The following LYRM7 variants were observed in gnomAD, a reference collection of about 807,000 sequenced individuals.
The protein encoded by LYRM7 is complex III assembly factor LYRM7.
Under a neutral mutation model 15.8 loss-of-function variants are expected in LYRM7, and 9 were observed. The observed-to-expected ratio is 0.57, with a 90% CI of 0.34 to 0.99. The LOEUF is 0.99. LYRM7 is among the 50% of genes least tolerant of loss of function. The probability of loss-of-function intolerance (pLI) is 0.02; values close to 1 mark genes in which losing one functional copy is unlikely to be tolerated. For synonymous variants in LYRM7, 39 were observed against 39.4 expected, an observed-to-expected ratio of 0.99 and a Z score of 0.04; for missense variants, 115 against 119.1, an observed-to-expected ratio of 0.97 and a Z score of 0.16.
chr5:131,181,348 G>T (rs1361970238), intron 2 of LYRM7, among the ~76,000 whole-genome samples: 6 of 35,202 alleles, frequency 1.7e-4, no homozygotes, highest in Admixed American at 1.2e-3. Flanking sequence ...TAACATATAT[G>T]TTATATATAT....
In LYRM7 at chr5:131,192,465, A is replaced by G. The variant is rs139513677; in HGVS notation, c.244+5356A>G. Among the ~76,000 whole-genome samples, 5 of 152,350 alleles carry G rather than the reference A, an allele frequency of 3.3e-5. No individual in the cohort carries two copies. In the East Asian group the frequency reaches 9.6e-4, roughly 29 times the overall value. On this transcript the variant is annotated intron_variant, in intron 4 of 4. Coordinates refer to ENST00000379380, the MANE Select transcript of LYRM7 (RefSeq NM_181705.4). Reference sequence around the variant, plus strand: ...AAAGAAATGATCAATAAGGTCATAGATATGCTAATTACCCTGATTTGATCA... The same window carrying G: ...AAAGAAATGATCAATAAGGTCATAGGTATGCTAATTACCCTGATTTGATCA...
In LYRM7 at chr5:131,182,237, A is replaced by G. The variant is rs200336982; in HGVS notation, c.100A>G (p.Ile34Val). 3.5e-6 allele frequency: 5 copies of G among 1,432,364 alleles called. No individual in the cohort carries two copies. The highest frequency in any genetic ancestry group is 3.8e-6 in the Non-Finnish European group (4 of 1,053,540). The allele number at this position is 1,432,364 out of a possible 1,614,324, so 88.7% of individuals were successfully genotyped here. A position where few individuals can be genotyped will look rare whatever the true frequency, so the allele number is the denominator to read the frequency against. The change falls in exon 3 of 5, where the codon ATA becomes GTA. Residue 34 changes from isoleucine to valine, a missense_variant. Ile to Val is a conservative substitution (Grantham distance 29, BLOSUM62 3). Coordinates refer to ENST00000379380, the MANE Select transcript of LYRM7 (RefSeq NM_181705.4). ...NDARALEAAR[I>V]KINEEFKNNK... ...TATTTTTCTCTTTGTAGCAGCCAGAATAAAGATAAATGAAGAATTCAAAAA... is the reference window on the plus strand; with the variant it reads ...TATTTTTCTCTTTGTAGCAGCCAGAGTAAAGATAAATGAAGAATTCAAAAA...
At chr5:131,178,703 C>A (rs1401547398) in intron 1 of LYRM7, among the ~76,000 whole-genome samples, 1 of 152,070 alleles carries the variant, frequency 6.6e-6, no homozygotes, top group African/African-American at 2.4e-5. Context: ...TGGCTCACAC[C>A]TGTAATCCCA....
intron 2 of LYRM7, among the ~76,000 whole-genome samples, chr5:131,181,362 A>C (rs535779268): frequency 2.6e-3 from 84 of 32,924 alleles, no homozygotes; most frequent in African/African-American, 0.017. Context: ...TATATATATT[A>C]ACATATATAT....
intron 4 of LYRM7, among the ~76,000 whole-genome samples, chr5:131,188,804 A>G (rs1273096742): frequency 6.6e-6 from 1 of 152,172 alleles, no homozygotes; most frequent in Non-Finnish European, 1.5e-5. Flanking sequence ...GAAATCTTTG[A>G]CTAGCTCAAG....
At chr5:131,192,029 G>GCATACACACACACACACACA in intron 4 of LYRM7, among the ~76,000 whole-genome samples, 1 of 110,528 alleles carries the variant, frequency 9.0e-6, no homozygotes, top group African/African-American at 4.1e-5. Flanking sequence ...AAAATGTGGT[G>GCATACACACACACACACACA]CATACACACA....
chr5:131,177,338 T>G (rs889397132), intron 1 of LYRM7, among the ~76,000 whole-genome samples: 1 of 152,220 alleles, frequency 6.6e-6, no homozygotes, highest in Non-Finnish European at 1.5e-5. Context: ...AGACTACCTG[T>G]CTCCTGGGTT....
In LYRM7 at chr5:131,205,369, C is replaced by G. The variant is rs2149669453; in HGVS notation, c.*5768C>G. 1 of 152,270 alleles carries G rather than the reference C, an allele frequency of 6.6e-6. No individual in the cohort carries two copies. The highest frequency in any genetic ancestry group is 2.1e-4 in the South Asian group (1 of 4,826). 9.4% of individuals were successfully genotyped at this position (152,270 alleles called of 1,614,324 possible). On this transcript the variant is annotated 3_prime_UTR_variant, in exon 5 of 5. Coordinates refer to ENST00000379380, the MANE Select transcript of LYRM7 (RefSeq NM_181705.4). ...ATTTAGCCATAATTTGGCATGAATT[C>G]AGGTCTTTTAAGTTTTATTCCATTG...
At position 131,202,419 on chromosome 5, in the gene LYRM7, G is replaced by C. The variant is rs558530055; in HGVS notation, c.*2818G>C. 9 of 152,350 alleles carry C rather than the reference G, an allele frequency of 5.9e-5. No homozygotes were observed. Among genetic ancestry groups the C allele is most frequent in the African/African-American group, 2.2e-4 (9 of 41,564 alleles). The allele number at this position is 152,350 out of a possible 1,614,324, so 9.4% of individuals were successfully genotyped here. ...TGAGGCAGGAGAATTACTTGAGCCA[G>C]GGAAGCAGAGGTTGTGGTGAGCTAA... On this transcript the variant is annotated 3_prime_UTR_variant, in exon 5 of 5. Coordinates refer to ENST00000379380, the MANE Select transcript of LYRM7 (RefSeq NM_181705.4).
intron 4 of LYRM7, among the ~76,000 whole-genome samples, chr5:131,196,789 C>G (rs1755971913): frequency 6.6e-6 from 1 of 152,028 alleles, no homozygotes; most frequent in South Asian, 2.1e-4. Context: ...GCCTCAGCCT[C>G]CCTGGTAGCT....
At chr5:131,171,124 G>GCCCCA in intron 1 of LYRM7, 86 bp downstream of exon 1, 2 of 1,340,478 alleles carry the variant, frequency 1.5e-6, no homozygotes, top group Non-Finnish European at 2.0e-6. Context: ...AGTCTCTGGA[G>GCCCCA]GCTGGGGCTC....
chr5:131,172,663 ACCAGT>A (rs916595387), intron 1 of LYRM7, among the ~76,000 whole-genome samples: 9 of 152,198 alleles, frequency 5.9e-5, no homozygotes, highest in African/African-American at 2.2e-4. Flanking sequence ...TACAAAGGTG[ACCAGT>A]CCAACAAGGG....
intron 3 of LYRM7, among the ~76,000 whole-genome samples, chr5:131,182,579 A>G (rs779068567): frequency 6.6e-5 from 10 of 152,220 alleles, no homozygotes; most frequent in Non-Finnish European, 1.0e-4. Flanking sequence ...TTCTATCTTC[A>G]CTTAAAGCAA....
chr5:131,195,633 G>A (rs1755951845), intron 4 of LYRM7, among the ~76,000 whole-genome samples: 1 of 152,166 alleles, frequency 6.6e-6, no homozygotes, highest in Non-Finnish European at 1.5e-5. Context: ...TAAGGTAAGG[G>A]TTAAGGAGAT....
At position 131,175,361 on chromosome 5, in the gene LYRM7, G is replaced by C. The variant is rs1334294946; in HGVS notation, c.18+4323G>C. On this transcript the variant is annotated intron_variant, in intron 1 of 4. Transcript: ENST00000379380. ...ATTGCAGGCATGCACCACCATGCCC[G>C]GCTAATTTTGTATTTTTAGTAGAGA... Among the ~76,000 whole-genome samples the C allele has an allele frequency of 4.0e-5, 6 of 151,692 alleles. No homozygotes were observed. In the South Asian group the frequency reaches 1.0e-3, roughly 26 times the overall value.
intron 3 of LYRM7, among the ~76,000 whole-genome samples, 200 bp downstream of exon 3, chr5:131,182,499 C>A (rs1755730602): frequency 6.6e-6 from 1 of 152,164 alleles, no homozygotes; most frequent in African/African-American, 2.4e-5. Context: ...CAAGGTACCC[C>A]ATCAACAGAA....
At chr5:131,178,496 T>G (rs927957913) in intron 1 of LYRM7, among the ~76,000 whole-genome samples, 2 of 152,066 alleles carry the variant, frequency 1.3e-5, no homozygotes, top group Admixed American at 6.6e-5. Context: ...GAGAGAACAA[T>G]ATTGAGTACC....
chr5:131,172,418 AT>A (rs1755537526), intron 1 of LYRM7, among the ~76,000 whole-genome samples: 1 of 152,152 alleles, frequency 6.6e-6, no homozygotes, highest in African/African-American at 2.4e-5. Flanking sequence ...ATCTCAAAAA[AT>A]AAGTAAATAA....
At position 131,203,223 on chromosome 5, in the gene LYRM7, G is replaced by T. The variant is rs1375597634; in HGVS notation, c.*3622G>T. The T allele has an allele frequency of 6.6e-6, 1 of 152,292 alleles. No homozygotes were observed. Among genetic ancestry groups the T allele is most frequent in the Non-Finnish European group, 1.5e-5 (1 of 68,026 alleles). 9.4% of individuals were successfully genotyped at this position (152,292 alleles called of 1,614,324 possible). ...ATTAATATAGTTTTACTGTATATCA[G>T]TTGTCACCAATCAGAAATGGAAAAC... On this transcript the variant is annotated 3_prime_UTR_variant, in exon 5 of 5. Transcript: ENST00000379380.
Sources: allele counts gnomAD v4.1 joint callset (sites outside exome capture counted in the v4.1 genomes callset), GRCh38; gene constraint gnomAD v4.1.1; transcripts MANE v1.5; gene names NCBI Gene and HGNC (gene_info 2026-07-23, HGNC 2026-07-21).